CFAP54: variants seen among roughly 807,000 people sequenced by gnomAD.
CFAP54 encodes the protein cilia- and flagella-associated protein 54.
A neutral mutation model predicts 370.4 loss-of-function variants in CFAP54; 290 were observed. The ratio of observed to expected loss-of-function variants is 0.78; its 90% CI spans 0.71 to 0.86. CFAP54 has a LOEUF of 0.86. Ranked by LOEUF, CFAP54 falls within the 40% of genes least tolerant of loss-of-function variation. CFAP54 has a pLI of 0.00. For missense variants in CFAP54, 3,399 were observed against 3,528.7 expected, an observed-to-expected ratio of 0.96 and a Z score of 0.93; for synonymous variants, 1,206 against 1,236.5, an observed-to-expected ratio of 0.98 and a Z score of 0.52.
At chr12:96,676,868 G>A (rs147281211) in intron 39 of CFAP54, among the ~76,000 whole-genome samples, 246 of 152,196 alleles carry the variant, frequency 1.6e-3, no homozygotes, top group African/African-American at 5.5e-3. Context: ...TCTGTAGCCC[G>A]CTTCTATCAT....
intron 42 of CFAP54, among the ~76,000 whole-genome samples, chr12:96,688,673 A>G (rs1957353882): frequency 1.3e-5 from 2 of 152,150 alleles, no homozygotes; most frequent in African/African-American, 4.8e-5. Context: ...GTGTATAATT[A>G]TATACAGAAA....
intron 26 of CFAP54, among the ~76,000 whole-genome samples, chr12:96,604,362 C>CTGT (rs1025706049): frequency 3.3e-5 from 5 of 152,204 alleles, no homozygotes; most frequent in African/African-American, 1.2e-4. Context: ...TTTGAGGTGT[C>CTGT]TGTTGGCCCT....
intron 5 of CFAP54, among the ~76,000 whole-genome samples, chr12:96,514,818 AT>A: frequency 6.6e-6 from 1 of 152,186 alleles, no homozygotes; most frequent in Non-Finnish European, 1.5e-5. Context: ...TGCTGATTAA[AT>A]AGGTATTCTA....
At position 96,630,081 on chromosome 12, in the gene CFAP54, CT is replaced by C. The variant is rs1176102893; in HGVS notation, c.4104-6del. 3.7e-6 allele frequency: 5 copies of C among 1,357,866 alleles called. No individual in the cohort carries two copies. The highest frequency in any genetic ancestry group is 4.9e-6 in the Non-Finnish European group (5 of 1,017,992). 84.1% of individuals were successfully genotyped at this position (1,357,866 alleles called of 1,614,324 possible). A position where few individuals can be genotyped will look rare whatever the true frequency, so the allele number is the denominator to read the frequency against. On this transcript the variant is annotated splice_polypyrimidine_tract_variant and intron_variant, in intron 30 of 67. Transcript: ENST00000524981. Reference sequence around the variant, plus strand: ...TGCAGGTCTTTTTGACTGACTTTATCTTTTTTATTAGGAGAAATGAGTCTCT... The same window carrying C: ...TGCAGGTCTTTTTGACTGACTTTATCTTTTTATTAGGAGAAATGAGTCTCT...
Position 96,708,718 on chromosome 12 carries a change from G to T in CFAP54, c.6639G>T (p.Val2213=), listed in dbSNP as rs1164014873. The change falls in exon 48 of 68, where the codon GTG becomes GTT. Residue 2213 remains valine (V), a synonymous_variant. Transcript: ENST00000524981. ...NFVKAYFFLS[V]AATINCVPEN... ...TTAAAGCATACTTTTTCCTAAGTGT[G>T]GCTGCGACAATAAATTGTGTCCCAG... 1 of 1,612,050 alleles carries T rather than the reference G, an allele frequency of 6.2e-7. No individual in the cohort carries two copies. The highest frequency in any genetic ancestry group is 1.3e-5 in the African/African-American group (1 of 74,822).
At position 96,658,196 on chromosome 12, in the gene CFAP54, T is replaced by G; in HGVS notation, c.5325-15T>G. Reference sequence around the variant, plus strand: ...CTAATGTTTTCTTTTTAATGTATTCTTTACCCCTGTCTAGTGAGAGGTATA... The same window carrying G: ...CTAATGTTTTCTTTTTAATGTATTCGTTACCCCTGTCTAGTGAGAGGTATA... On this transcript the variant is annotated splice_polypyrimidine_tract_variant and intron_variant, in intron 37 of 67. Coordinates refer to ENST00000524981, the MANE Select transcript of CFAP54 (RefSeq NM_001306084.2). 1 of 1,606,406 alleles carries G rather than the reference T, an allele frequency of 6.2e-7. No homozygotes were observed. Among genetic ancestry groups the G allele is most frequent in the Non-Finnish European group, 8.5e-7 (1 of 1,177,786 alleles).
rs752628418 is a variant in CFAP54, at chr12:96,693,714, C to T, written c.6265-8C>T. ...ATTTTGAAACAAAGAGTGTTTTTCT[C>T]CTGATAGGTTCTGCCTCTCCTTGCA... On this transcript the variant is annotated splice_polypyrimidine_tract_variant and splice_region_variant and intron_variant, in intron 44 of 67. Coordinates refer to ENST00000524981, the MANE Select transcript of CFAP54 (RefSeq NM_001306084.2). 5.9e-6 allele frequency: 9 copies of T among 1,534,268 alleles called. No individual in the cohort carries two copies. Among genetic ancestry groups the T allele is most frequent in the Middle Eastern group, 1.7e-4 (1 of 5,826 alleles).
intron 17 of CFAP54, among the ~76,000 whole-genome samples, chr12:96,562,459 C>T (rs1363374431): frequency 1.4e-5 from 2 of 146,480 alleles, no homozygotes; most frequent in Non-Finnish European, 3.0e-5. Context: ...GACAGTCTCC[C>T]TCTGTCACCT....
intron 39 of CFAP54, among the ~76,000 whole-genome samples, chr12:96,676,317 T>G (rs977164574): frequency 6.6e-6 from 1 of 152,162 alleles, no homozygotes; most frequent in African/African-American, 2.4e-5. Flanking sequence ...TAACAGATAT[T>G]TAAAACTATG....
intron 66 of CFAP54, among the ~76,000 whole-genome samples, chr12:96,843,405 T>C (rs537929560): frequency 6.6e-6 from 1 of 152,322 alleles, no homozygotes; most frequent in Admixed American, 6.5e-5. Flanking sequence ...TTCCAATCCC[T>C]GACGTTTAAA....
At chr12:96,630,302 CAG>C in intron 31 of CFAP54, 98 bp downstream of exon 31, 1 of 628,764 alleles carries the variant, frequency 1.6e-6, no homozygotes, top group Non-Finnish European at 2.6e-6. Flanking sequence ...TAATATGAAA[CAG>C]AAGGATATAC....
chr12:96,546,049 G>C (rs1311951276), intron 14 of CFAP54, among the ~76,000 whole-genome samples: 3 of 152,200 alleles, frequency 2.0e-5, no homozygotes, highest in African/African-American at 7.2e-5. Context: ...GACCCAGGGA[G>C]GGGGTCACAG....
At chr12:96,626,368 A>G (rs1341937506) in intron 29 of CFAP54, among the ~76,000 whole-genome samples, 1 of 151,888 alleles carries the variant, frequency 6.6e-6, no homozygotes, top group African/African-American at 2.4e-5. Flanking sequence ...CCTGGGCGAC[A>G]GAGTGAGACT....
At chr12:96,554,886 GT>G in intron 17 of CFAP54, 84 bp downstream of exon 17, 2 of 1,259,566 alleles carry the variant, frequency 1.6e-6, no homozygotes, top group Middle Eastern at 4.0e-4. Context: ...TGAAAACTGT[GT>G]TCTTGTTGAC....
chr12:96,682,156 A>C, intron 40 of CFAP54: 1 of 983,896 alleles, frequency 1.0e-6, no homozygotes, highest in Non-Finnish European at 1.2e-6. Context: ...GAAAGGAGAA[A>C]TAAATGATTC....
At chr12:96,707,957 T>C (rs1657910774) in intron 47 of CFAP54, among the ~76,000 whole-genome samples, 2 of 152,082 alleles carry the variant, frequency 1.3e-5, no homozygotes, top group South Asian at 4.1e-4. Flanking sequence ...TATTGGAATA[T>C]TACCAGGCAG....
chr12:96,743,871 A>T lies in CFAP54; in HGVS notation c.7518A>T (p.Leu2506Phe). ...CTCCCTCTTCAAAAACAGGAAAATTAAATTTGTTAACTCGGGCTCATAGCA... is the reference window on the plus strand; with the variant it reads ...CTCCCTCTTCAAAAACAGGAAAATTTAATTTGTTAACTCGGGCTCATAGCA... ...KESPSSKTGK[L>F]NLLTRAHSIL... The change falls in exon 54 of 68, where the codon TTA (leucine) becomes TTT (phenylalanine). Residue 2506 changes from leucine to phenylalanine, a missense_variant. By Grantham distance (22) the Leu-to-Phe change is conservative. This residue lies in a region of CFAP54 where 2,796 missense variants were observed against 2,869.7 expected (regional missense o/e 0.97). Transcript: ENST00000524981. 2 of 1,613,700 alleles carry T rather than the reference A, an allele frequency of 1.2e-6. No individual in the cohort carries two copies. Among genetic ancestry groups the T allele is most frequent in the African/African-American group, 2.7e-5 (2 of 74,996 alleles).
chr12:96,692,661 C>T (rs1957400117), intron 44 of CFAP54, among the ~76,000 whole-genome samples: 1 of 152,154 alleles, frequency 6.6e-6, no homozygotes, highest in Admixed American at 6.6e-5. Context: ...TTTTAAAAAG[C>T]TGTTGCTATT....
rs534715919 is a variant in CFAP54, at chr12:96,727,387, T to C, written c.6965+6822T>C. On this transcript the variant is annotated intron_variant, in intron 50 of 67. Transcript: ENST00000524981. Reference sequence around the variant, plus strand: ...GTATTGGGTGCATATATATTTAGGATAGTTAGCGCTTCTTGTTGAATTGAT... The same window carrying C: ...GTATTGGGTGCATATATATTTAGGACAGTTAGCGCTTCTTGTTGAATTGAT... Among the ~76,000 whole-genome samples, 731 of 149,384 alleles carry C rather than the reference T, an allele frequency of 4.9e-3. 8 individuals carry two copies. Among genetic ancestry groups the C allele is most frequent in the South Asian group, 0.01 (48 of 4,724 alleles).
Sources: allele counts gnomAD v4.1 joint callset (sites outside exome capture counted in the v4.1 genomes callset), GRCh38; gene constraint gnomAD v4.1.1; regional missense constraint gnomAD v4.1.1; transcripts MANE v1.5; gene names NCBI Gene and HGNC (gene_info 2026-07-23, HGNC 2026-07-21).